Variants in ROBO2 observed in about 807,000 individuals in gnomAD.
ROBO2 encodes roundabout homolog 2.
ROBO2 carries 53 observed loss-of-function variants against 160.8 expected under a neutral mutation model. The observed-to-expected ratio is 0.33, with a 90% CI of 0.26 to 0.41. The LOEUF is 0.41. ROBO2 is among the 10% of genes least tolerant of loss of function. The probability of loss-of-function intolerance (pLI) is 1.00; values close to 1 mark genes in which losing one functional copy is unlikely to be tolerated. For synonymous variants in ROBO2, 664 were observed against 611.7 expected (o/e 1.09, Z -1.26); for missense variants, 1,577 against 1,722.4 (o/e 0.92, Z 1.49).
intron 2 of ROBO2, among the ~76,000 whole-genome samples, chr3:75,968,535 A>G (rs755332019): frequency 6.6e-6 from 1 of 151,646 alleles, no homozygotes; most frequent in Non-Finnish European, 1.5e-5. Context: ...TATTACTACA[A>G]TCAAGCCAAT....
chr3:76,060,412 A>C (rs73842935), intron 2 of ROBO2, among the ~76,000 whole-genome samples: 3,125 of 152,316 alleles, frequency 0.021, 43 homozygotes, highest in East Asian at 0.081. Context: ...CTTTTAGTAA[A>C]CAATAAAACT....
intron 2 of ROBO2, among the ~76,000 whole-genome samples, chr3:76,117,442 T>A (rs143614694): frequency 1.3e-5 from 2 of 152,310 alleles, no homozygotes; most frequent in African/African-American, 4.8e-5. Context: ...TTATAGTTAC[T>A]GTTTCCAACA....
intron 2 of ROBO2, among the ~76,000 whole-genome samples, chr3:76,671,163 A>G (rs2106648048): frequency 6.6e-6 from 1 of 152,328 alleles, no homozygotes; most frequent in Non-Finnish European, 1.5e-5. Context: ...ATTAGTGGAT[A>G]CATCTAATTG....
At chr3:76,454,353 A>C (rs2109313843) in intron 2 of ROBO2, among the ~76,000 whole-genome samples, 1 of 152,312 alleles carries the variant, frequency 6.6e-6, no homozygotes, top group South Asian at 2.1e-4. Flanking sequence ...TCAAATTAGA[A>C]AGAAGTTGAA....
chr3:77,440,734 G>C (rs1023444606), intron 2 of ROBO2, among the ~76,000 whole-genome samples: 3 of 152,034 alleles, frequency 2.0e-5, no homozygotes, highest in African/African-American at 7.3e-5. Context: ...ATTCTTACTG[G>C]GAAAGAAGGA....
At chr3:76,381,051 A>AG (rs2076596332) in intron 2 of ROBO2, among the ~76,000 whole-genome samples, 1 of 150,788 alleles carries the variant, frequency 6.6e-6, no homozygotes, top group African/African-American at 2.5e-5. Context: ...AAAAAAAAAA[A>AG]GCAGATAAAT....
At chr3:75,951,397 C>T (rs530931249) in intron 2 of ROBO2, among the ~76,000 whole-genome samples, 1 of 152,164 alleles carries the variant, frequency 6.6e-6, no homozygotes, top group East Asian at 1.9e-4. Context: ...TTCTTCTTCT[C>T]CCCTTCCTTC....
At chr3:76,332,773 A>T (rs2073586710) in intron 2 of ROBO2, among the ~76,000 whole-genome samples, 1 of 152,220 alleles carries the variant, frequency 6.6e-6, no homozygotes, top group Non-Finnish European at 1.5e-5. Flanking sequence ...AAATATATTT[A>T]GTGCATTCCA....
chr3:76,248,568 C>G (rs964596137), intron 2 of ROBO2, among the ~76,000 whole-genome samples: 5 of 151,244 alleles, frequency 3.3e-5, no homozygotes, highest in African/African-American at 4.9e-5. Context: ...GTGCAGCACA[C>G]CAGCATGGCA....
intron 2 of ROBO2, among the ~76,000 whole-genome samples, chr3:76,558,410 G>T (rs1488035671): frequency 6.6e-6 from 1 of 151,980 alleles, no homozygotes; most frequent in African/African-American, 2.4e-5. Context: ...TCATTATGAA[G>T]TTATAAGCTA....
At chr3:76,158,209 C>A (rs746122799) in intron 2 of ROBO2, among the ~76,000 whole-genome samples, 1 of 152,096 alleles carries the variant, frequency 6.6e-6, no homozygotes, top group Non-Finnish European at 1.5e-5. Context: ...CATCTCTGCT[C>A]TTACTACCAT....
intron 23 of ROBO2, among the ~76,000 whole-genome samples, chr3:77,628,090 C>T (rs148739753): frequency 6.6e-6 from 1 of 152,136 alleles, no homozygotes; most frequent in Non-Finnish European, 1.5e-5. Context: ...AGCTTGAATA[C>T]ATTTGAGATT....
At chr3:75,979,308 C>T (rs932474176) in intron 2 of ROBO2, among the ~76,000 whole-genome samples, 3 of 151,452 alleles carry the variant, frequency 2.0e-5, no homozygotes, top group Non-Finnish European at 3.0e-5. Flanking sequence ...GGAATATACA[C>T]ACATATATAG....
chr3:76,800,902 A>T (rs2108848655), intron 2 of ROBO2, among the ~76,000 whole-genome samples: 1 of 152,272 alleles, frequency 6.6e-6, no homozygotes, highest in South Asian at 2.1e-4. Context: ...AGCTAGGTAT[A>T]CCCCCTGCAA....
chr3:76,155,758 A>G (rs2072382569), intron 2 of ROBO2, among the ~76,000 whole-genome samples: 1 of 152,178 alleles, frequency 6.6e-6, no homozygotes, highest in African/African-American at 2.4e-5. Flanking sequence ...ATGATTCTAA[A>G]CCGCATTTTA....
intron 2 of ROBO2, among the ~76,000 whole-genome samples, chr3:76,241,176 T>C (rs1705260538): frequency 6.6e-6 from 1 of 152,200 alleles, no homozygotes. Flanking sequence ...TCACAGGTAT[T>C]TCCTAGTTTA....
intron 2 of ROBO2, among the ~76,000 whole-genome samples, chr3:76,541,679 A>G (rs536769484): frequency 1.2e-3 from 190 of 152,298 alleles, no homozygotes; most frequent in Non-Finnish European, 2.0e-3. Context: ...GCTTCCCTGG[A>G]GGAGGTGATT....
intron 2 of ROBO2, among the ~76,000 whole-genome samples, chr3:77,432,458 T>G (rs920140068): frequency 1.3e-5 from 2 of 152,192 alleles, no homozygotes; most frequent in Non-Finnish European, 2.9e-5. Flanking sequence ...AAAATCTGAT[T>G]TAGCAAAGCA....
intron 2 of ROBO2, among the ~76,000 whole-genome samples, chr3:77,457,298 T>C (rs2081760033): frequency 6.6e-6 from 1 of 152,184 alleles, no homozygotes. Context: ...CCCTCATTAT[T>C]TCAACTTTTT....
Sources: gnomAD v4.1 joint callset for allele counts (sites outside exome capture counted in the v4.1 genomes callset) on GRCh38, gnomAD v4.1.1 for gene constraint, MANE v1.5 for transcripts, NCBI Gene and HGNC (gene_info 2026-07-23, HGNC 2026-07-21) for gene names.